UCKL1: variants seen among roughly 807,000 people sequenced by gnomAD.
UCKL1 encodes uridine-cytidine kinase-like 1.
Under a neutral mutation model 59.2 loss-of-function variants are expected in UCKL1, and 65 were observed. The observed-to-expected ratio is 1.10, with a 90% CI of 0.90 to 1.35. The LOEUF (loss-of-function observed/expected upper bound fraction) is 1.35. Among genes scored for constraint, UCKL1 ranks in the 40% most tolerant of loss-of-function variants. UCKL1 has a pLI of 0.00. For missense variants in UCKL1, 703 were observed against 784.3 expected (o/e 0.90, Z 1.24); for synonymous variants, 410 against 323.1 (o/e 1.27, Z -2.88).
At chr20:63,946,672 C>T in intron 1 of UCKL1, 29 bp from the exon 2 acceptor site, 2 of 1,591,442 alleles carry the variant, frequency 1.3e-6, no homozygotes, top group South Asian at 2.2e-5. Flanking sequence ...TCGGATGTGG[C>T]CCAGAGCTGC....
intron 1 of UCKL1, chr20:63,953,874 G>A (rs1319142526): frequency 6.6e-6 from 1 of 152,612 alleles, no homozygotes; most frequent in Non-Finnish European, 1.5e-5. Flanking sequence ...CAGGGAGAAA[G>A]GAAGGCTCGG....
chr20:63,948,105 T>C (rs1275556371), intron 1 of UCKL1: 1 of 152,326 alleles, frequency 6.6e-6, no homozygotes, highest in Non-Finnish European at 1.5e-5. Context: ...CAGAAGGCAC[T>C]TGTGGCCACT....
intron 1 of UCKL1, among the ~76,000 whole-genome samples, chr20:63,948,043 C>T (rs545079894): frequency 1.9e-3 from 291 of 152,338 alleles, no homozygotes; most frequent in Non-Finnish European, 2.9e-3. Flanking sequence ...TTCTGAGAGG[C>T]TCAGATGCAG....
chr20:63,947,218 G>A (rs1447136822), intron 1 of UCKL1, among the ~76,000 whole-genome samples: 6 of 152,242 alleles, frequency 3.9e-5, no homozygotes, highest in Non-Finnish European at 7.3e-5. Context: ...GACAAGGGAA[G>A]GAGGAGAGGC....
At chr20:63,940,357 G>A (rs1306883445) in intron 13 of UCKL1, 21 bp downstream of exon 13, 2 of 1,611,492 alleles carry the variant, frequency 1.2e-6, no homozygotes, top group Non-Finnish European at 1.7e-6. Flanking sequence ...AACCTGCCCC[G>A]CCTACCCAGG....
At chr20:63,948,347 C>T (rs1488947487) in intron 1 of UCKL1, 1 of 151,942 alleles carries the variant, frequency 6.6e-6, no homozygotes, top group Non-Finnish European at 1.5e-5. Context: ...CACAGTCTGT[C>T]CACCGCGCTC....
intron 1 of UCKL1, 63 bp from the exon 2 acceptor site, chr20:63,946,706 A>G (rs2056328234): frequency 1.3e-6 from 2 of 1,506,258 alleles, no homozygotes; most frequent in African/African-American, 1.6e-5. Context: ...ACCCGCTGGC[A>G]TGGCCGGCCC....
Position 63,941,031 on chromosome 20 carries a change from G to C in UCKL1, c.1035C>G (p.Thr345=). 6.4e-7 allele frequency: 1 copy of C among 1,572,638 alleles called. No homozygotes were observed. Among genetic ancestry groups the C allele is most frequent in the Non-Finnish European group, 8.6e-7 (1 of 1,161,616 alleles). The change falls in exon 10 of 15, where the codon ACC becomes ACG. Residue 345 remains threonine, a synonymous_variant. Transcript: ENST00000354216. The part of the protein sequence containing the change: ...GMHTIIRDKE[T]SRDEFIFYSK... The stretch of plus-strand genomic sequence containing the variant: ...AGTAGAAGATGAACTCGTCGCGACT[G>C]GTCTCCTTGTCCCTGTGGGGCCAAC...
rs1235499060 is a variant in UCKL1, at chr20:63,945,819, G to A, written c.568C>T (p.Arg190Trp). 8.7e-6 allele frequency: 14 copies of A among 1,613,510 alleles called. No homozygotes were observed. Among genetic ancestry groups the A allele is most frequent in the African/African-American group, 2.7e-5 (2 of 75,002 alleles). Residue 190 changes from arginine (R) to tryptophan (W), a missense_variant, in exon 4 of 15, where the codon CGG becomes TGG. By Grantham distance (101) the Arg-to-Trp change is moderately radical. Around this residue, in one of 4 missense-constraint regions of UCKL1, gnomAD observed 398 missense variants for 373.0 expected, o/e 1.07. Transcript: ENST00000354216. ...CCCTGGCCTACCCAGTCCTTCTTCC[G>A]GCTGTGCGTGGTGAAGTCATAAATG... Reference protein sequence around the residue: ...VPIYDFTTHSRKKDWKTLYGA... With the variant: ...VPIYDFTTHSWKKDWKTLYGA...
chr20:63,940,937 A>T lies in UCKL1; in HGVS notation c.1116+13T>A. On this transcript the variant is annotated intron_variant, in intron 10 of 14. Coordinates refer to ENST00000354216, the MANE Select transcript of UCKL1 (RefSeq NM_017859.4). ...AGACCCACCCTCCACCTCGCGGGCT[A>T]CGGGCTACGAACCTGAAAGGGCAGG... The T allele has an allele frequency of 6.6e-7, 1 of 1,520,674 alleles. No individual in the cohort carries two copies. Among genetic ancestry groups the T allele is most frequent in the Non-Finnish European group, 8.8e-7 (1 of 1,133,282 alleles). The allele number at this position is 1,520,674 out of a possible 1,614,324, so 94.2% of individuals were successfully genotyped here.
In UCKL1 at chr20:63,940,750, G is replaced by A. The variant is rs1030113236; in HGVS notation, c.1180-34C>T. ...AGGGGAGGCTAAGCGCCCACATCCC[G>A]CCCCAGCAGCCTGTCCCGCGCCCAG... On this transcript the variant is annotated intron_variant, in intron 11 of 14. Transcript: ENST00000354216. 3.1e-6 allele frequency: 5 copies of A among 1,604,996 alleles called. No homozygotes were observed. In the Admixed American group the frequency reaches 6.7e-5, roughly 22 times the overall value.
chr20:63,949,113 A>G (rs1002345834), intron 1 of UCKL1, among the ~76,000 whole-genome samples: 2 of 152,182 alleles, frequency 1.3e-5, no homozygotes, highest in Middle Eastern at 3.2e-3. Flanking sequence ...TCAGAGACAG[A>G]CAGGTCTGCC....
chr20:63,952,619 C>A (rs2057835375), intron 1 of UCKL1, among the ~76,000 whole-genome samples: 1 of 152,242 alleles, frequency 6.6e-6, no homozygotes, highest in African/African-American at 2.4e-5. Flanking sequence ...CATTCCCACG[C>A]CACCCACAGG....
In UCKL1 at chr20:63,945,636, C is replaced by T. The variant is rs2055972705; in HGVS notation, c.654+15G>A. On this transcript the variant is annotated intron_variant, in intron 5 of 14. Coordinates refer to ENST00000354216, the MANE Select transcript of UCKL1 (RefSeq NM_017859.4). ...TGAGATACCAGCGGGGTGGGTATTC[C>T]CGGCGGGTGCTTACCTCCAACAGTG... 6.2e-7 allele frequency: 1 copy of T among 1,612,328 alleles called. No homozygotes were observed. Among genetic ancestry groups the T allele is most frequent in the African/African-American group, 1.3e-5 (1 of 74,912 alleles).
rs746944497 is a variant in UCKL1, at chr20:63,945,861, T to A, written c.526A>T (p.Lys176Ter). 6.2e-7 allele frequency: 1 copy of A among 1,613,722 alleles called. No homozygotes were observed. Among genetic ancestry groups the A allele is most frequent in the Non-Finnish European group, 8.5e-7 (1 of 1,179,952 alleles). ...TCATAAATGGGCACCTTGACACTCT[T>A]CCCCTGCTTCAGCTTCTTGAGGGTG... ...ISTLKKLKQG[K>*]SVKVPIYDFT... Residue 176 changes from lysine to a stop codon, truncating the protein, a stop_gained, in exon 4 of 15, where the codon AAG becomes TAG. Transcript: ENST00000354216. LOFTEE classifies it high-confidence loss of function.
intron 8 of UCKL1, chr20:63,941,478 C>T (rs1200209548): frequency 1.8e-5 from 9 of 511,368 alleles, no homozygotes; most frequent in Non-Finnish European, 3.3e-5. Context: ...AGGGCCCCTC[C>T]CAGTGCGGGA....
intron 1 of UCKL1, among the ~76,000 whole-genome samples, chr20:63,949,472 C>T (rs749662588): frequency 4.6e-5 from 7 of 152,184 alleles, no homozygotes; most frequent in Admixed American, 3.9e-4. Flanking sequence ...GACCTCCCAG[C>T]GGCCCTGGAC....
At chr20:63,949,559 G>A (rs1188802590) in intron 1 of UCKL1, among the ~76,000 whole-genome samples, 2 of 152,220 alleles carry the variant, frequency 1.3e-5, no homozygotes, top group Non-Finnish European at 2.9e-5. Context: ...CCAGCAGGTG[G>A]TGATGGATGG....
Position 63,945,963 on chromosome 20 carries a change from G to C in UCKL1, c.424C>G (p.Gln142Glu). The change falls in exon 4 of 15, where the codon CAG becomes GAG. Residue 142 changes from glutamine (Q) to glutamate (E), a missense_variant. Gln to Glu is a conservative substitution (Grantham distance 29). Coordinates refer to ENST00000354216, the MANE Select transcript of UCKL1 (RefSeq NM_017859.4). ...MDSFYKVLTE[Q>E]QQEQAAHNNF... ...TTGTGTGCGGCCTGTTCCTGCTGCTGCTCAGTCAGCACCTGGTGGGGGAGG... is the reference window on the plus strand; with the variant it reads ...TTGTGTGCGGCCTGTTCCTGCTGCTCCTCAGTCAGCACCTGGTGGGGGAGG... The C allele has an allele frequency of 6.2e-7, 1 of 1,613,776 alleles. No homozygotes were observed. Among genetic ancestry groups the C allele is most frequent in the Non-Finnish European group, 8.5e-7 (1 of 1,179,974 alleles).
Sources: allele counts gnomAD v4.1 joint callset (sites outside exome capture counted in the v4.1 genomes callset), GRCh38; gene constraint gnomAD v4.1.1; regional missense constraint gnomAD v4.1.1; transcripts MANE v1.5; gene names NCBI Gene and HGNC (gene_info 2026-07-23, HGNC 2026-07-21).